Variants in ACKR3 observed in about 807,000 individuals in gnomAD.
ACKR3 encodes C-X-C chemokine receptor type 7.
Under a neutral mutation model 22.4 loss-of-function variants are expected in ACKR3, and 6 were observed. The ratio of observed to expected loss-of-function variants is 0.27; its 90% CI spans 0.15 to 0.53. The LOEUF (loss-of-function observed/expected upper bound fraction) is 0.53. Among genes scored for constraint, ACKR3 ranks in the 20% least tolerant of loss-of-function variants. ACKR3 has a pLI of 0.96. For missense variants in ACKR3, 396 were observed against 475.2 expected (o/e 0.83, Z 1.55); for synonymous variants, 209 against 205.2 (o/e 1.02, Z -0.16).
chr2:236,548,352 T>C, the ACKR3 span, among the ~76,000 whole-genome samples: 2 of 152,228 alleles, frequency 1.3e-5, no homozygotes, highest in Non-Finnish European at 2.9e-5. This position sits in a 1 kb window ranked among gnomAD's most constrained non-coding sequence, Gnocchi z 4.3. Context: ...GAAGGCCTAC[T>C]TTAAACTGAA....
At chr2:236,573,623 T>A (rs1426236407) in intron 1 of ACKR3, among the ~76,000 whole-genome samples, 2 of 152,226 alleles carry the variant, frequency 1.3e-5, no homozygotes, top group Non-Finnish European at 2.9e-5. Flanking sequence ...GTCCCCCTTT[T>A]CGGAGCTGGT....
the ACKR3 span, among the ~76,000 whole-genome samples, chr2:236,539,306 C>CTTTTTTTTTTTTTTTTTTTTTTT: frequency 4.1e-5 from 5 of 120,748 alleles, no homozygotes; most frequent in Non-Finnish European, 7.0e-5. Flanking sequence ...TTTTTCTTTT[C>CTTTTTTTTTTTTTTTTTTTTTTT]TTTTTTTTTT....
In ACKR3 at chr2:236,580,891, C is replaced by G. The variant is rs761608034; in HGVS notation, c.426C>G (p.Arg142=). The change falls in exon 2 of 2, where the codon CGC becomes CGG. Residue 142 remains arginine (R), a synonymous_variant. Coordinates refer to ENST00000272928, the MANE Select transcript of ACKR3 (RefSeq NM_020311.3). Reference sequence around the variant, plus strand: ...TCCTCACGTGCATGAGCGTGGACCGCTACCTCTCCATCACCTACTTCACCA... The same window carrying G: ...TCCTCACGTGCATGAGCGTGGACCGGTACCTCTCCATCACCTACTTCACCA... ...IFFLTCMSVD[R]YLSITYFTNT... is the part of the protein sequence containing the mutation. The G allele has an allele frequency of 6.2e-7, 1 of 1,614,232 alleles. No individual in the cohort carries two copies. The highest frequency in any genetic ancestry group is 8.5e-7 in the Non-Finnish European group (1 of 1,180,048).
At chr2:236,567,123 C>T (rs1461418750), upstream of ACKR3, among the ~76,000 whole-genome samples, 1 of 152,154 alleles carries the variant, frequency 6.6e-6, no homozygotes, top group Non-Finnish European at 1.5e-5. Flanking sequence ...TCCTGCCTCC[C>T]GAGTAGCTGG....
In ACKR3 at chr2:236,575,560, T is replaced by C. The variant is rs1406007716; in HGVS notation, c.-26-4880T>C. The stretch of plus-strand genomic sequence containing the variant: ...TGTCTGGGGTTGTGCTGTGTGTGTG[T>C]GTGTGTCTGGGGTTGTGCTGTGTGT... On this transcript the variant is annotated intron_variant, in intron 1 of 1. Coordinates refer to ENST00000272928, the MANE Select transcript of ACKR3 (RefSeq NM_020311.3). 2.4e-4 allele frequency among the ~76,000 whole-genome samples: 32 copies of C among 133,104 alleles called. 1 individual carries two copies. Among genetic ancestry groups the C allele is most frequent in the Admixed American group, 1.4e-4 (2 of 14,120 alleles). 87.3% of individuals were successfully genotyped at this position (133,104 alleles called of 152,430 possible).
the ACKR3 span, among the ~76,000 whole-genome samples, chr2:236,547,300 T>C: frequency 6.6e-6 from 1 of 152,220 alleles, no homozygotes; most frequent in Non-Finnish European, 1.5e-5. Context: ...TCCTACAGTA[T>C]AAAAGTGTTA....
chr2:236,574,793 A>T lies in ACKR3; in HGVS notation c.-27+4869A>T, dbSNP rs1470974188. Among the ~76,000 whole-genome samples, 1 of 152,142 alleles carries T rather than the reference A, an allele frequency of 6.6e-6. No individual in the cohort carries two copies. The highest frequency in any genetic ancestry group is 2.4e-5 in the African/African-American group (1 of 41,418). On this transcript the variant is annotated intron_variant, in intron 1 of 1. Transcript: ENST00000272928. This position sits in a 1 kb window ranked among gnomAD's most constrained non-coding sequence, Gnocchi z 5.6. ...GGTCGTTGTCAAGGATACTTGGTTGATGAATAAAACATCCCAGAAACGAGA... is the reference window on the plus strand; with the variant it reads ...GGTCGTTGTCAAGGATACTTGGTTGTTGAATAAAACATCCCAGAAACGAGA...
At chr2:236,551,493 C>T in the ACKR3 span, among the ~76,000 whole-genome samples, 12 of 152,074 alleles carry the variant, frequency 7.9e-5, no homozygotes, top group Non-Finnish European at 1.8e-4. Context: ...GGTGAGCTGA[C>T]ATCAGGGGCC....
At chr2:236,543,940 G>GATATAT in the ACKR3 span, among the ~76,000 whole-genome samples, 2 of 80,958 alleles carry the variant, frequency 2.5e-5, no homozygotes, top group African/African-American at 6.8e-5. Flanking sequence ...CTGGGAGAAG[G>GATATAT]GTATATATAT....
chr2:236,552,496 G>A, the ACKR3 span, among the ~76,000 whole-genome samples: 22 of 152,178 alleles, frequency 1.4e-4, no homozygotes, highest in Admixed American at 3.9e-4. Flanking sequence ...TCATTCTTGC[G>A]TAGTGGTGAT....
chr2:236,553,659 C>A, the ACKR3 span, among the ~76,000 whole-genome samples: 73 of 152,368 alleles, frequency 4.8e-4, no homozygotes, highest in South Asian at 0.014. Context: ...CCATGTGGAC[C>A]AGCCCCTGAA....
Position 236,581,193 on chromosome 2 carries a change from G to A in ACKR3, c.728G>A (p.Ser243Asn). ...FLLARAISASSDQEKHSSRKI... is the reference protein window; with the variant it reads ...FLLARAISASNDQEKHSSRKI... ...CTGGCCAGAGCCATCTCGGCGTCCAGTGACCAGGAGAAGCACAGCAGCCGG... is the reference window on the plus strand; with the variant it reads ...CTGGCCAGAGCCATCTCGGCGTCCAATGACCAGGAGAAGCACAGCAGCCGG... Residue 243 changes from serine (S) to asparagine (N), a missense_variant, in exon 2 of 2, where the codon AGT (serine) becomes AAT (asparagine). Ser to Asn is a conservative substitution (Grantham distance 46, BLOSUM62 1). Coordinates refer to ENST00000272928, the MANE Select transcript of ACKR3 (RefSeq NM_020311.3). The surrounding 1 kb of genome is among the most constrained non-coding windows in gnomAD (Gnocchi z 4.4). 1 of 1,613,652 alleles carries A rather than the reference G, an allele frequency of 6.2e-7. No homozygotes were observed. The highest frequency in any genetic ancestry group is 8.5e-7 in the Non-Finnish European group (1 of 1,179,576).
At chr2:236,566,512 A>C (rs1387974816), upstream of ACKR3, among the ~76,000 whole-genome samples, 1 of 148,660 alleles carries the variant, frequency 6.7e-6, no homozygotes, top group Admixed American at 6.6e-5. Flanking sequence ...GAAAAACAGC[A>C]GGTGCAAGAT....
chr2:236,545,718 G>A, the ACKR3 span, among the ~76,000 whole-genome samples: 1 of 152,158 alleles, frequency 6.6e-6, no homozygotes, highest in South Asian at 2.1e-4. This position sits in a 1 kb window ranked among gnomAD's most constrained non-coding sequence, Gnocchi z 5.3. Context: ...TCTTCTATCT[G>A]GGGATGTAAA....
chr2:236,581,472 C>T lies in ACKR3; in HGVS notation c.1007C>T (p.Ala336Val), dbSNP rs143408017. 8.8e-4 allele frequency: 1,416 copies of T among 1,614,176 alleles called. 1 individual carries two copies. The highest frequency in any genetic ancestry group is 1.0e-3 in the Non-Finnish European group (1,232 of 1,180,028). The change falls in exon 2 of 2, where the codon GCC (alanine) becomes GTC (valine). Residue 336 changes from alanine to valine, a missense_variant. Physicochemically the swap from Ala to Val is moderately conservative, Grantham distance 64. Transcript: ENST00000272928. The surrounding 1 kb of genome is among the most constrained non-coding windows in gnomAD (Gnocchi z 4.4). ...LMKAFIFKYS[A>V]KTGLTKLIDA... ...AAGGCCTTCATCTTCAAGTACTCGGCCAAAACAGGGCTCACCAAGCTCATC... is the reference window on the plus strand; with the variant it reads ...AAGGCCTTCATCTTCAAGTACTCGGTCAAAACAGGGCTCACCAAGCTCATC...
intron 1 of ACKR3, among the ~76,000 whole-genome samples, chr2:236,580,216 C>G (rs1234221830): frequency 6.6e-6 from 1 of 152,218 alleles, no homozygotes; most frequent in African/African-American, 2.4e-5. Flanking sequence ...CAGTTTCTGT[C>G]TTGGAGCACC....
At chr2:236,560,602 T>C in the ACKR3 span, among the ~76,000 whole-genome samples, 1 of 152,214 alleles carries the variant, frequency 6.6e-6, no homozygotes, top group Admixed American at 6.5e-5. Flanking sequence ...GATAAATGGT[T>C]TGCACATATT....
At chr2:236,543,968 TATATATATATATATATATATATATAC>T in the ACKR3 span, among the ~76,000 whole-genome samples, 2 of 66,232 alleles carry the variant, frequency 3.0e-5, no homozygotes, top group African/African-American at 2.6e-4. Flanking sequence ...TATATATATA[TATATATATATATATATATATATATAC>T]ACTTTTTTTT....
At chr2:236,569,808 T>C (rs910368535), upstream of ACKR3, 4 of 152,276 alleles carry the variant, frequency 2.6e-5, no homozygotes, top group Admixed American at 2.0e-4. Context: ...AATGCAAGTC[T>C]GCAGCCAGCA....
Sources: allele counts gnomAD v4.1 joint callset (sites outside exome capture counted in the v4.1 genomes callset), GRCh38; gene constraint gnomAD v4.1.1; non-coding constraint Gnocchi (gnomAD v3.1); transcripts MANE v1.5; gene names NCBI Gene and HGNC (gene_info 2026-07-23, HGNC 2026-07-21).